RAF1: variants seen among roughly 807,000 people sequenced by gnomAD.
RAF1 encodes the protein Raf-1 proto-oncogene, serine/threonine kinase.
Under a neutral mutation model 81.1 loss-of-function variants are expected in RAF1, and 27 were observed. The ratio of observed to expected loss-of-function variants is 0.33; its 90% CI spans 0.25 to 0.46. The LOEUF (loss-of-function observed/expected upper bound fraction) is 0.46. Ranked by LOEUF, RAF1 falls within the 20% of genes least tolerant of loss-of-function variation. RAF1 has a pLI of 1.00. For missense variants in RAF1, 598 were observed against 826.0 expected, an observed-to-expected ratio of 0.72 and a Z score of 3.38; for synonymous variants, 298 against 294.0, an observed-to-expected ratio of 1.01 and a Z score of -0.14.
chr3:12,640,027 A>G (rs2060136817), intron 1 of RAF1, among the ~76,000 whole-genome samples: 1 of 152,196 alleles, frequency 6.6e-6, no homozygotes, highest in African/African-American at 2.4e-5. Flanking sequence ...AGAGATAGAG[A>G]CCAATGGAAC....
chr3:12,628,881 A>G (rs1053742020), intron 1 of RAF1, among the ~76,000 whole-genome samples: 1 of 151,762 alleles, frequency 6.6e-6, no homozygotes, highest in Non-Finnish European at 1.5e-5. Flanking sequence ...CCTCCTAGGT[A>G]GCTAGGACTG....
intron 2 of RAF1, among the ~76,000 whole-genome samples, chr3:12,613,022 T>C (rs1335049824): frequency 2.0e-4 from 30 of 152,308 alleles, no homozygotes; most frequent in Non-Finnish European, 4.4e-5. Context: ...ACTCCAGCCC[T>C]GCTGTAGGGA....
chr3:12,601,094 T>C (rs1024740327), intron 8 of RAF1, among the ~76,000 whole-genome samples: 1 of 152,174 alleles, frequency 6.6e-6, no homozygotes, highest in Admixed American at 6.5e-5. Context: ...TTAGGCTAAA[T>C]TGACTAGAAG....
chr3:12,633,934 C>CAAAAAAAAAAAAAAAACA (rs2059939030), intron 1 of RAF1, among the ~76,000 whole-genome samples: 1 of 95,542 alleles, frequency 1.0e-5, no homozygotes, highest in African/African-American at 3.7e-5. Context: ...AAAACTCTCT[C>CAAAAAAAAAAAAAAAACA]AAAAAAAAAA....
intron 2 of RAF1, among the ~76,000 whole-genome samples, chr3:12,613,432 C>A (rs866309531): frequency 1.3e-5 from 2 of 148,780 alleles, no homozygotes; most frequent in African/African-American, 5.0e-5. Context: ...CCCCCCCACA[C>A]CCCGCCCCCA....
In RAF1 at chr3:12,652,239, T is replaced by C. The variant is rs1284321073; in HGVS notation, c.-27+11574A>G. ...TCAAAAAAACAATAATAAATAAAAA[T>C]AGGCCAGGCGTAGTGACTCACACCT... On this transcript the variant is annotated intron_variant, in intron 1 of 17. Coordinates refer to ENST00000442415, the MANE Select transcript of RAF1 (RefSeq NM_001354689.3). Among the ~76,000 whole-genome samples the C allele has an allele frequency of 2.7e-5, 4 of 150,646 alleles. No individual in the cohort carries two copies. In the East Asian group the frequency reaches 7.8e-4, roughly 30 times the overall value.
Position 12,637,202 on chromosome 3 carries a change from A to G in RAF1, c.-26-18455T>C, listed in dbSNP as rs776053104. 4.5e-4 allele frequency among the ~76,000 whole-genome samples: 68 copies of G among 152,292 alleles called. No homozygotes were observed. In the Middle Eastern group the frequency reaches 0.01, roughly 23 times the overall value. Reference sequence around the variant, plus strand: ...ACTCACTAGTAAACCTGGGAACTAGATTATCACCTAGGAACTAGGGTATCG... The same window carrying G: ...ACTCACTAGTAAACCTGGGAACTAGGTTATCACCTAGGAACTAGGGTATCG... On this transcript the variant is annotated intron_variant, in intron 1 of 17. Coordinates refer to ENST00000442415, the MANE Select transcript of RAF1 (RefSeq NM_001354689.3).
Position 12,604,208 on chromosome 3 carries a change from C to T in RAF1, c.762G>A (p.Arg254=), listed in dbSNP as rs2125397848. The T allele has an allele frequency of 6.2e-7, 1 of 1,614,142 alleles. No homozygotes were observed. Among genetic ancestry groups the T allele is most frequent in the South Asian group, 1.1e-5 (1 of 91,076 alleles). The change falls in exon 7 of 18, where the codon AGG becomes AGA. Residue 254 remains arginine (R), a synonymous_variant. Coordinates refer to ENST00000442415, the MANE Select transcript of RAF1 (RefSeq NM_001354689.3). Reference sequence around the variant, plus strand: ...CATTAGGTGTGGATGTCGACCTCTGCCTCTGGGAGAGGGAACCTTCAGATG... The same window carrying T: ...CATTAGGTGTGGATGTCGACCTCTGTCTCTGGGAGAGGGAACCTTCAGATG...
At chr3:12,592,195 G>C (rs1193475345) in intron 11 of RAF1, 1 of 331,756 alleles carries the variant, frequency 3.0e-6, no homozygotes, top group Non-Finnish European at 5.9e-6. Flanking sequence ...ATGTGTGACA[G>C]GTCAAAACCT....
intron 11 of RAF1, 181 bp from the exon 11 acceptor site, chr3:12,591,973 G>C (rs1037113362): frequency 1.6e-6 from 1 of 634,652 alleles, no homozygotes. Flanking sequence ...GTCTAGGCTA[G>C]AGTGCAGTGG....
At chr3:12,587,666 T>C (rs1395600580) in intron 13 of RAF1, 29 bp from the exon 13 acceptor site, 1 of 1,581,312 alleles carries the variant, frequency 6.3e-7, no homozygotes, top group East Asian at 2.2e-5. Flanking sequence ...TTATTAAAAA[T>C]AAGTTTGAGG....
chr3:12,601,880 G>A (rs531948455), intron 8 of RAF1, among the ~76,000 whole-genome samples: 13 of 152,182 alleles, frequency 8.5e-5, no homozygotes, highest in African/African-American at 2.7e-4. Flanking sequence ...TTTTGGAGGG[G>A]AATGTGAGAA....
intron 11 of RAF1, among the ~76,000 whole-genome samples, chr3:12,595,519 GAT>G (rs369356045): frequency 4.6e-5 from 7 of 152,038 alleles, no homozygotes; most frequent in Admixed American, 2.6e-4. Flanking sequence ...TAACCCAAAT[GAT>G]AGTCTTTACA....
rs1456207442 is a variant in RAF1, at chr3:12,610,585, CAA to C, written c.321-1252_321-1251del. On this transcript the variant is annotated intron_variant, in intron 3 of 17. Coordinates refer to ENST00000442415, the MANE Select transcript of RAF1 (RefSeq NM_001354689.3). ...GGGACCCAACCTGGGCTACCTTCAG[CAA>C]AAGTTAACGTCTGCTTCAAAGATTT... 3.3e-5 allele frequency among the ~76,000 whole-genome samples: 5 copies of C among 152,146 alleles called. 1 individual carries two copies. The highest frequency in any genetic ancestry group is 7.3e-5 in the Non-Finnish European group (5 of 68,030).
chr3:12,663,543 C>A (rs1304980689), intron 1 of RAF1, among the ~76,000 whole-genome samples: 1 of 152,236 alleles, frequency 6.6e-6, no homozygotes, highest in Non-Finnish European at 1.5e-5. Flanking sequence ...ATGAGGAATG[C>A]GCATGGCATA....
chr3:12,597,176 G>A (rs527827871), intron 11 of RAF1, among the ~76,000 whole-genome samples: 1 of 152,282 alleles, frequency 6.6e-6, no homozygotes, highest in African/African-American at 2.4e-5. Context: ...GGGATTACAG[G>A]CGTGAGCCAC....
intron 2 of RAF1, among the ~76,000 whole-genome samples, chr3:12,615,339 T>G (rs936779625): frequency 1.3e-5 from 2 of 152,172 alleles, no homozygotes; most frequent in African/African-American, 4.8e-5. Context: ...AAAACCTAAT[T>G]ATCACATCTA....
At chr3:12,618,827 A>C in intron 1 of RAF1, 80 bp from the exon 2 acceptor site, 7 of 1,142,452 alleles carry the variant, frequency 6.1e-6, no homozygotes, top group Non-Finnish European at 9.0e-6. Context: ...AGTAATTATG[A>C]AAATAGCACT....
At chr3:12,608,221 C>T (rs146867343) in intron 5 of RAF1, among the ~76,000 whole-genome samples, 1 of 152,192 alleles carries the variant, frequency 6.6e-6, no homozygotes, top group East Asian at 1.9e-4. Context: ...ACTTTAAATT[C>T]TTTAATAACA....
Sources: allele counts gnomAD v4.1 joint callset (sites outside exome capture counted in the v4.1 genomes callset), GRCh38; gene constraint gnomAD v4.1.1; transcripts MANE v1.5; gene names NCBI Gene and HGNC (gene_info 2026-07-23, HGNC 2026-07-21).